Variants in UBE3D observed in about 807,000 individuals in gnomAD.
The protein encoded by UBE3D is ubiquitin protein ligase E3D.
Under a neutral mutation model 49.6 loss-of-function variants are expected in UBE3D, and 48 were observed. The ratio of observed to expected loss-of-function variants is 0.97; its 90% CI spans 0.77 to 1.23. The LOEUF (loss-of-function observed/expected upper bound fraction) is 1.23, where lower values mean the gene tolerates loss of function less well. UBE3D is among the 50% of genes most tolerant of loss of function. The pLI is 0.00. For synonymous variants in UBE3D, 189 were observed against 174.2 expected, an observed-to-expected ratio of 1.08 and a Z score of -0.67; for missense variants, 452 against 468.4, an observed-to-expected ratio of 0.96 and a Z score of 0.32.
At chr6:82,996,515 A>G (rs1284843329) in intron 8 of UBE3D, among the ~76,000 whole-genome samples, 1 of 152,214 alleles carries the variant, frequency 6.6e-6, no homozygotes, top group Non-Finnish European at 1.5e-5. Context: ...GATAGAGCTT[A>G]TCACTCCTAC....
chr6:83,024,269 T>A (rs1781296071), intron 5 of UBE3D, among the ~76,000 whole-genome samples: 2 of 152,210 alleles, frequency 1.3e-5, no homozygotes, highest in Admixed American at 6.5e-5. Context: ...GCCCAGAGAC[T>A]CTGCTTACAC....
chr6:82,899,758 G>C (rs1010905589), intron 9 of UBE3D, among the ~76,000 whole-genome samples: 3 of 152,168 alleles, frequency 2.0e-5, no homozygotes, highest in Admixed American at 2.0e-4. Context: ...ACTGGACTAC[G>C]GACAGCATTG....
intron 9 of UBE3D, among the ~76,000 whole-genome samples, chr6:82,952,380 T>TA (rs142634987): frequency 0.14 from 20,651 of 151,416 alleles, 1,440 homozygotes; most frequent in South Asian, 0.16. Flanking sequence ...CAGAAAGAAC[T>TA]AAAAAAAATT....
At chr6:83,027,753 T>G (rs1262364603) in intron 5 of UBE3D, among the ~76,000 whole-genome samples, 2 of 152,220 alleles carry the variant, frequency 1.3e-5, no homozygotes, top group Admixed American at 6.5e-5. Flanking sequence ...TTATTTTTCT[T>G]GCTAGGGCTT....
intron 3 of UBE3D, among the ~76,000 whole-genome samples, chr6:83,046,996 T>C (rs547230845): frequency 6.6e-6 from 1 of 152,366 alleles, no homozygotes; most frequent in Non-Finnish European, 1.5e-5. Context: ...CATATATGTT[T>C]ACCTTGCCAC....
rs545907263 is a variant in UBE3D at position 82,983,549 on chromosome 6, T to A, written c.1011-26099A>T. Among the ~76,000 whole-genome samples, 644 of 72,214 alleles carry A rather than the reference T, an allele frequency of 8.9e-3. 6 individuals carry two copies. Among genetic ancestry groups the A allele is most frequent in the African/African-American group, 0.046 (607 of 13,316 alleles). The allele number at this position is 72,214 out of a possible 152,430, so 47.4% of individuals were successfully genotyped here. ...AGGGAATAGAGCTAAAAAGTAGTAA[T>A]TTTTTTTTAAATGTTAAATTATGTG... is the stretch of plus-strand genomic sequence containing the variant. On this transcript the variant is annotated intron_variant, in intron 8 of 9. Coordinates refer to ENST00000369747, the MANE Select transcript of UBE3D (RefSeq NM_198920.3).
At chr6:82,930,545 C>T (rs1582381072) in intron 9 of UBE3D, among the ~76,000 whole-genome samples, 1 of 152,230 alleles carries the variant, frequency 6.6e-6, no homozygotes, top group East Asian at 1.9e-4. Flanking sequence ...TGTTGAATGG[C>T]TTTGACCAAA....
At chr6:82,890,300 C>A (rs1770957440), downstream of UBE3D, among the ~76,000 whole-genome samples, 1 of 152,116 alleles carries the variant, frequency 6.6e-6, no homozygotes, top group Middle Eastern at 3.2e-3. Flanking sequence ...ATAGAAAGAG[C>A]CATTTCCCTT....
chr6:83,055,932 G>A (rs1783788210), intron 2 of UBE3D, among the ~76,000 whole-genome samples: 1 of 152,088 alleles, frequency 6.6e-6, no homozygotes, highest in Admixed American at 6.6e-5. Context: ...TCTATTATAT[G>A]GAAAGCACTC....
rs1211032737 is a variant in UBE3D, at chr6:82,917,840, C to T, written c.1150-24798G>A. Among the ~76,000 whole-genome samples, 6 of 152,182 alleles carry T rather than the reference C, an allele frequency of 3.9e-5. No homozygotes were observed. In the South Asian group the frequency reaches 6.2e-4, roughly 16 times the overall value. ...GGCTGCTGGCTCATTCTTTTTCTAG[C>T]GGCTCACTCTGCCTTGTCTTTTGGA... On this transcript the variant is annotated intron_variant, in intron 9 of 9. Transcript: ENST00000369747.
intron 4 of UBE3D, among the ~76,000 whole-genome samples, chr6:83,039,697 T>G (rs1237859147): frequency 6.6e-6 from 1 of 152,104 alleles, no homozygotes; most frequent in East Asian, 1.9e-4. Flanking sequence ...CAGGCTGGAG[T>G]GCAGTGGCGC....
intron 4 of UBE3D, among the ~76,000 whole-genome samples, chr6:83,042,177 G>T (rs1782721119): frequency 6.6e-6 from 1 of 152,098 alleles, no homozygotes; most frequent in Non-Finnish European, 1.5e-5. Context: ...CAAAGTGCTG[G>T]GATTACAGGC....
intron 9 of UBE3D, among the ~76,000 whole-genome samples, chr6:82,920,764 T>TTGACCTATATATGTAA (rs1026071122): frequency 1.3e-5 from 2 of 152,164 alleles, no homozygotes; most frequent in Non-Finnish European, 2.9e-5. Flanking sequence ...AAAATTGAGG[T>TTGACCTATATATGTAA]TGACCTATAT....
chr6:83,058,054 A>C, intron 1 of UBE3D, 32 bp from the exon 2 acceptor site: 7 of 1,605,674 alleles, frequency 4.4e-6, no homozygotes, highest in Non-Finnish European at 6.0e-6. Flanking sequence ...CAAACAAATT[A>C]TTTCTCACAA....
chr6:82,926,032 A>AAT (rs5877827), intron 9 of UBE3D, among the ~76,000 whole-genome samples: 126,613 of 151,816 alleles, frequency 0.83, 53,116 homozygotes, highest in East Asian at 0.94. Context: ...TCCCTTACTC[A>AAT]AGAGGATATA....
chr6:83,035,371 T>C (rs763514009), intron 5 of UBE3D, among the ~76,000 whole-genome samples: 3 of 152,156 alleles, frequency 2.0e-5, no homozygotes, highest in Non-Finnish European at 4.4e-5. Context: ...ATGATTTATA[T>C]TTTATGGTGA....
At chr6:82,900,309 A>G (rs937793000) in intron 9 of UBE3D, among the ~76,000 whole-genome samples, 6 of 152,188 alleles carry the variant, frequency 3.9e-5, no homozygotes, top group African/African-American at 1.4e-4. Flanking sequence ...CCATTTTAAT[A>G]TATCATATTT....
intron 8 of UBE3D, among the ~76,000 whole-genome samples, chr6:82,974,386 T>A (rs1024806151): frequency 4.6e-5 from 7 of 152,072 alleles, no homozygotes; most frequent in African/African-American, 1.7e-4. Flanking sequence ...GATAACAACA[T>A]CCATGGTGCT....
intron 1 of UBE3D, among the ~76,000 whole-genome samples, chr6:83,059,254 T>C (rs567607846): frequency 1.4e-3 from 216 of 152,160 alleles, no homozygotes; most frequent in African/African-American, 4.8e-3. Context: ...CTGGGTATAG[T>C]GGCACGCACC....
Sources: allele counts gnomAD v4.1 joint callset (sites outside exome capture counted in the v4.1 genomes callset), GRCh38; gene constraint gnomAD v4.1.1; transcripts MANE v1.5; gene names NCBI Gene and HGNC (gene_info 2026-07-23, HGNC 2026-07-21).